OTUD7A: variants seen among roughly 807,000 people sequenced by gnomAD.
The protein encoded by OTUD7A is OTU domain-containing protein 7A.
Under a neutral mutation model 65.7 loss-of-function variants are expected in OTUD7A, and 12 were observed. The observed-to-expected ratio is 0.18, with a 90% CI of 0.12 to 0.30. The LOEUF (loss-of-function observed/expected upper bound fraction) is 0.30. OTUD7A is among the 10% of genes least tolerant of loss of function. The pLI is 1.00. For missense variants in OTUD7A, 1,148 were observed against 1,304.8 expected (o/e 0.88, Z 1.85); for synonymous variants, 641 against 586.3 (o/e 1.09, Z -1.35).
chr15:31,687,673 G>C (rs79377732), intron 1 of OTUD7A, among the ~76,000 whole-genome samples: 17,830 of 152,234 alleles, frequency 0.12, 1,476 homozygotes, highest in East Asian at 0.44. Flanking sequence ...TAACTTCAGA[G>C]TCCTCCTCTT....
intron 1 of OTUD7A, among the ~76,000 whole-genome samples, chr15:31,850,729 G>T (rs2141004410): frequency 6.6e-6 from 1 of 152,216 alleles, no homozygotes; most frequent in African/African-American, 2.4e-5. Flanking sequence ...GCTTCAGAAG[G>T]TTCTCACCTC....
At chr15:31,526,580 G>A in intron 7 of OTUD7A, 119 bp from the exon 8 acceptor site, 2 of 721,460 alleles carry the variant, frequency 2.8e-6, no homozygotes, top group South Asian at 2.1e-5. Flanking sequence ...TCTGTAGGTA[G>A]CTACCAACTA....
chr15:31,838,722 C>T (rs1288024862), intron 1 of OTUD7A, among the ~76,000 whole-genome samples: 1 of 150,506 alleles, frequency 6.6e-6, no homozygotes, highest in East Asian at 2.0e-4. Flanking sequence ...TCCTGAGGGA[C>T]CCCCATTACT....
chr15:31,589,472 TTTTTTTTTTCTGTAGAGACGGGG>T (rs1393487817), intron 3 of OTUD7A, among the ~76,000 whole-genome samples: 2 of 149,558 alleles, frequency 1.3e-5, no homozygotes, highest in East Asian at 3.9e-4. Context: ...TGTTTTTTTT[TTTTTTTTTTCTGTAGAGACGGGG>T]TTTTGCCATG....
At chr15:31,529,648 T>A (rs946668763) in intron 6 of OTUD7A, among the ~76,000 whole-genome samples, 1 of 152,166 alleles carries the variant, frequency 6.6e-6, no homozygotes, top group Non-Finnish European at 1.5e-5. Flanking sequence ...TTGTTCTCCA[T>A]CCTCCTCTGG....
chr15:31,570,558 G>A (rs1432297853), intron 3 of OTUD7A, among the ~76,000 whole-genome samples: 1 of 151,988 alleles, frequency 6.6e-6, no homozygotes, highest in Non-Finnish European at 1.5e-5. Flanking sequence ...TCTCTGAGGG[G>A]AACAAAGCAT....
At chr15:31,653,220 A>C (rs2141275841) in intron 3 of OTUD7A, among the ~76,000 whole-genome samples, 2 of 151,704 alleles carry the variant, frequency 1.3e-5, no homozygotes, top group Admixed American at 1.3e-4. Context: ...GCGCCACTGC[A>C]CTCCAGCCTG....
chr15:31,794,031 C>T (rs991065209), intron 1 of OTUD7A, among the ~76,000 whole-genome samples: 2 of 152,228 alleles, frequency 1.3e-5, no homozygotes, highest in Non-Finnish European at 2.9e-5. Context: ...AACCCTTCTA[C>T]ATCTAAGCCT....
intron 1 of OTUD7A, among the ~76,000 whole-genome samples, chr15:31,730,284 T>G (rs183460050): frequency 5.8e-4 from 88 of 152,330 alleles, no homozygotes; most frequent in African/African-American, 2.1e-3. Context: ...CAGTATTCTG[T>G]GATAGCAGCC....
At chr15:31,740,370 C>T (rs968368375) in intron 1 of OTUD7A, among the ~76,000 whole-genome samples, 7 of 151,958 alleles carry the variant, frequency 4.6e-5, no homozygotes, top group Admixed American at 3.9e-4. Flanking sequence ...AGCCCAGCTG[C>T]CTCATGCTAG....
chr15:31,852,174 C>G (rs1412103450), intron 1 of OTUD7A, among the ~76,000 whole-genome samples: 1 of 152,162 alleles, frequency 6.6e-6, no homozygotes, highest in Non-Finnish European at 1.5e-5. Context: ...CCTTTTAACG[C>G]AAGGTAGACT....
chr15:31,726,535 C>T (rs1194761536), intron 1 of OTUD7A, among the ~76,000 whole-genome samples: 5 of 152,174 alleles, frequency 3.3e-5, no homozygotes, highest in Admixed American at 2.6e-4. Flanking sequence ...GTAAACACTA[C>T]GGACAGAATG....
At chr15:31,783,374 A>G (rs1234570563) in intron 1 of OTUD7A, among the ~76,000 whole-genome samples, 1 of 152,190 alleles carries the variant, frequency 6.6e-6, no homozygotes, top group Non-Finnish European at 1.5e-5. Flanking sequence ...TGATCATTCA[A>G]TGATCATTCT....
intron 1 of OTUD7A, among the ~76,000 whole-genome samples, chr15:31,858,628 A>G (rs1247037923): frequency 6.6e-6 from 1 of 152,226 alleles, no homozygotes; most frequent in Non-Finnish European, 1.5e-5. Context: ...GAAGACAGCA[A>G]GCCTAGAGAC....
chr15:31,535,499 A>G (rs756847262), intron 5 of OTUD7A, among the ~76,000 whole-genome samples: 15 of 152,128 alleles, frequency 9.9e-5, no homozygotes, highest in Admixed American at 3.9e-4. Context: ...TACCTTTACC[A>G]TATGACCCAG....
At chr15:31,626,033 G>C (rs1355331451) in intron 3 of OTUD7A, among the ~76,000 whole-genome samples, 1 of 152,074 alleles carries the variant, frequency 6.6e-6, no homozygotes, top group African/African-American at 2.4e-5. Context: ...CTGAGGTGGG[G>C]AGGGGTTTTG....
intron 1 of OTUD7A, among the ~76,000 whole-genome samples, chr15:31,687,119 A>C (rs1455566995): frequency 4.0e-5 from 6 of 149,586 alleles, no homozygotes; most frequent in South Asian, 2.1e-4. Flanking sequence ...AAAAAAAAAA[A>C]ACCACACATA....
chr15:31,661,230 G>GT (rs1227775521), intron 1 of OTUD7A, among the ~76,000 whole-genome samples: 1 of 152,224 alleles, frequency 6.6e-6, no homozygotes, highest in Non-Finnish European at 1.5e-5. Context: ...GGGAATAGCA[G>GT]TAAGTGTAGG....
intron 1 of OTUD7A, among the ~76,000 whole-genome samples, chr15:31,815,449 T>G (rs1439260645): frequency 6.6e-6 from 1 of 152,180 alleles, no homozygotes. Flanking sequence ...GTACAATCAT[T>G]CTGACTTACA....
Sources: gnomAD v4.1 joint callset for allele counts (sites outside exome capture counted in the v4.1 genomes callset) on GRCh38, gnomAD v4.1.1 for gene constraint, MANE v1.5 for transcripts, NCBI Gene and HGNC (gene_info 2026-07-23, HGNC 2026-07-21) for gene names.